The following GPATCH8 variants were observed in gnomAD, a reference collection of about 807,000 sequenced individuals.
GPATCH8 encodes G-patch domain containing 8.
A neutral mutation model predicts 118.3 loss-of-function variants in GPATCH8; 18 were observed. The ratio of observed to expected loss-of-function variants is 0.15; its 90% CI spans 0.11 to 0.23. The LOEUF is 0.23. Among genes scored for constraint, GPATCH8 ranks in the 10% least tolerant of loss-of-function variants. The pLI is 1.00. For synonymous variants in GPATCH8, 659 were observed against 684.7 expected (o/e 0.96, Z 0.59); for missense variants, 1,631 against 1,873.8 (o/e 0.87, Z 2.39).
chr17:44,436,029 CA>C (rs1157048818), intron 4 of GPATCH8, among the ~76,000 whole-genome samples: 1,985 of 41,798 alleles, frequency 0.047, 22 homozygotes, highest in African/African-American at 0.15. Context: ...AACTCCATCT[CA>C]AAAAAAAAAA....
chr17:44,396,085 A>C lies in GPATCH8; in HGVS notation c.*1483T>G. 2.2e-6 allele frequency: 1 copy of C among 454,524 alleles called. No homozygotes were observed. Among genetic ancestry groups the C allele is most frequent in the Non-Finnish European group, 4.4e-6 (1 of 226,796 alleles). 28.2% of individuals were successfully genotyped at this position (454,524 alleles called of 1,614,324 possible). A position where few individuals can be genotyped will look rare whatever the true frequency, so the allele number is the denominator to read the frequency against. ...GTGCTCACCTCCCAACAAAAGGAAGACTGTCCCAACTCATCCTCCAGCCTA... is the reference window on the plus strand; with the variant it reads ...GTGCTCACCTCCCAACAAAAGGAAGCCTGTCCCAACTCATCCTCCAGCCTA... On this transcript the variant is annotated 3_prime_UTR_variant, in exon 8 of 8. Coordinates refer to ENST00000591680, the MANE Select transcript of GPATCH8 (RefSeq NM_001002909.4).
chr17:44,406,874 A>G (rs2049252258), intron 6 of GPATCH8, among the ~76,000 whole-genome samples: 1 of 152,248 alleles, frequency 6.6e-6, no homozygotes, highest in Non-Finnish European at 1.5e-5. Flanking sequence ...ACAACCAAAA[A>G]AGAACAGTGT....
chr17:44,461,462 G>A (rs967371750), intron 3 of GPATCH8, among the ~76,000 whole-genome samples: 3 of 151,956 alleles, frequency 2.0e-5, no homozygotes, highest in Non-Finnish European at 4.4e-5. Flanking sequence ...GGGATTTCAG[G>A]CGCTAGCCAC....
At chr17:44,444,417 A>C (rs1262045538) in intron 3 of GPATCH8, among the ~76,000 whole-genome samples, 1 of 152,098 alleles carries the variant, frequency 6.6e-6, no homozygotes, top group African/African-American at 2.4e-5. Flanking sequence ...ATTTTGGGGT[A>C]AAATAGTCTA....
rs554310488 is a variant in GPATCH8, at chr17:44,399,526, G to C, written c.2551C>G (p.Arg851Gly). 16 of 1,614,052 alleles carry C rather than the reference G, an allele frequency of 9.9e-6. No homozygotes were observed. In the East Asian group the frequency reaches 3.1e-4, roughly 31 times the overall value. Residue 851 changes from arginine to glycine, a missense_variant, in exon 8 of 8, where the codon CGC becomes GGC. Around this residue, in one of 8 missense-constraint regions of GPATCH8, gnomAD observed 922 missense variants for 879.7 expected, o/e 1.05. Coordinates refer to ENST00000591680, the MANE Select transcript of GPATCH8 (RefSeq NM_001002909.4). The part of the protein sequence containing the change: ...EEEDSGSEHS[R>G]SRSRSGRRHS... ...CGCCGGCCAGACCTTGAGCGGCTGC[G>C]GGAATGCTCACTGCCTGAATCTTCC...
In GPATCH8 at chr17:44,422,559, G is replaced by A. The variant is rs544069412; in HGVS notation, c.492+1790C>T. 4.6e-5 allele frequency among the ~76,000 whole-genome samples: 7 copies of A among 151,456 alleles called. No individual in the cohort carries two copies. In the South Asian group the frequency reaches 1.3e-3, roughly 27 times the overall value. On this transcript the variant is annotated intron_variant, in intron 6 of 7. Transcript: ENST00000591680. ...GGCTGGAGTGCAGTGGTGCGATCTC[G>A]GCTCACTGCAAGCTCCGCCTCCCGG...
At chr17:44,460,280 T>C (rs915012186) in intron 3 of GPATCH8, among the ~76,000 whole-genome samples, 8 of 152,216 alleles carry the variant, frequency 5.3e-5, no homozygotes, top group South Asian at 2.1e-4. Flanking sequence ...TTCCTTCAGA[T>C]ATCTTGTCAA....
intron 1 of GPATCH8, among the ~76,000 whole-genome samples, chr17:44,495,999 C>G (rs1372412435): frequency 2.0e-5 from 3 of 152,264 alleles, no homozygotes; most frequent in East Asian, 3.9e-4. Flanking sequence ...TCCTGAGTAG[C>G]TGGGACTACA....
intron 3 of GPATCH8, among the ~76,000 whole-genome samples, chr17:44,442,677 C>T (rs938318279): frequency 6.6e-6 from 1 of 152,224 alleles, no homozygotes; most frequent in Non-Finnish European, 1.5e-5. Context: ...ATTGCTCAGG[C>T]TGGTCTCAAA....
intron 1 of GPATCH8, among the ~76,000 whole-genome samples, chr17:44,483,176 AATAT>A (rs1163758356): frequency 0.016 from 208 of 12,936 alleles, 24 homozygotes; most frequent in African/African-American, 0.039. Flanking sequence ...AAAAAAAAAA[AATAT>A]ATATATATAT....
At chr17:44,452,681 C>A (rs1369599597) in intron 3 of GPATCH8, among the ~76,000 whole-genome samples, 3 of 152,134 alleles carry the variant, frequency 2.0e-5, no homozygotes, top group Non-Finnish European at 4.4e-5. Context: ...ATTTCCATCA[C>A]CAATGCCTGG....
chr17:44,406,382 A>C (rs1049776372), intron 6 of GPATCH8, among the ~76,000 whole-genome samples: 5 of 151,902 alleles, frequency 3.3e-5, no homozygotes, highest in African/African-American at 1.2e-4. Flanking sequence ...AAAACTAGAC[A>C]AACATAACAT....
intron 3 of GPATCH8, among the ~76,000 whole-genome samples, chr17:44,458,108 AGGCATGGT>A (rs1428995080): frequency 6.6e-6 from 1 of 150,934 alleles, no homozygotes; most frequent in East Asian, 2.0e-4. Context: ...AAAAAAAATT[AGGCATGGT>A]GGCATGCGCC....
intron 2 of GPATCH8, among the ~76,000 whole-genome samples, chr17:44,470,343 G>A (rs1284046231): frequency 2.0e-5 from 3 of 150,144 alleles, no homozygotes; most frequent in South Asian, 4.2e-4. Flanking sequence ...GACTACAGGC[G>A]TGTGCCACCA....
intron 1 of GPATCH8, among the ~76,000 whole-genome samples, chr17:44,485,951 G>C (rs1968743202): frequency 6.6e-6 from 1 of 152,176 alleles, no homozygotes; most frequent in African/African-American, 2.4e-5. Flanking sequence ...CTACGGGGCA[G>C]TGGTGCAATC....
At chr17:44,403,313 TC>T (rs1483891537) in intron 7 of GPATCH8, among the ~76,000 whole-genome samples, 1 of 152,146 alleles carries the variant, frequency 6.6e-6, no homozygotes, top group Non-Finnish European at 1.5e-5. Flanking sequence ...GGCCTCGTGA[TC>T]CACCTGCCTC....
intron 1 of GPATCH8, among the ~76,000 whole-genome samples, chr17:44,491,265 T>C (rs1040283237): frequency 1.3e-5 from 2 of 152,008 alleles, no homozygotes; most frequent in Non-Finnish European, 1.5e-5. Flanking sequence ...CCAAGGCAGG[T>C]GGATCACAAG....
At chr17:44,414,050 C>A (rs866555169) in intron 6 of GPATCH8, among the ~76,000 whole-genome samples, 138 of 138,450 alleles carry the variant, frequency 1.0e-3, no homozygotes, top group Middle Eastern at 3.8e-3. Context: ...AGTATGCCTG[C>A]TTTAAGGCAT....
At chr17:44,466,337 C>A (rs7214894) in intron 2 of GPATCH8, among the ~76,000 whole-genome samples, 1 of 151,840 alleles carries the variant, frequency 6.6e-6, no homozygotes, top group Non-Finnish European at 1.5e-5. Flanking sequence ...CAAATTATAA[C>A]GAAAAATTTG....
Sources: allele counts gnomAD v4.1 joint callset (sites outside exome capture counted in the v4.1 genomes callset), GRCh38; gene constraint gnomAD v4.1.1; regional missense constraint gnomAD v4.1.1; transcripts MANE v1.5; gene names NCBI Gene and HGNC (gene_info 2026-07-23, HGNC 2026-07-21).